MEGF6: variants seen among roughly 807,000 people sequenced by gnomAD.
MEGF6 encodes multiple epidermal growth factor-like domains protein 6.
MEGF6 carries 184 observed loss-of-function variants against 207.1 expected under a neutral mutation model. That is an observed-to-expected ratio of 0.89 (90% CI 0.79 to 1.00). The LOEUF (loss-of-function observed/expected upper bound fraction) is 1.00, where lower values mean the gene tolerates loss of function less well. MEGF6 is among the 50% of genes least tolerant of loss of function. The pLI is 0.00. For synonymous variants in MEGF6, 1,038 were observed against 910.0 expected, an observed-to-expected ratio of 1.14 and a Z score of -2.53; for missense variants, 2,282 against 2,202.9, an observed-to-expected ratio of 1.04 and a Z score of -0.72.
chr1:3,587,916 G>C (rs538153927), intron 3 of MEGF6, among the ~76,000 whole-genome samples: 1 of 53,000 alleles, frequency 1.9e-5, no homozygotes, highest in African/African-American at 7.9e-5. Flanking sequence ...CCAGGAGGGG[G>C]CAGGAGAGGC....
intron 4 of MEGF6, among the ~76,000 whole-genome samples, chr1:3,561,555 C>T (rs998026899): frequency 1.3e-5 from 2 of 152,182 alleles, no homozygotes; most frequent in Admixed American, 6.5e-5. Flanking sequence ...CCATGCACCC[C>T]GCAGGGACAG....
intron 5 of MEGF6, among the ~76,000 whole-genome samples, chr1:3,517,488 T>C (rs1051459425): frequency 2.0e-5 from 3 of 152,190 alleles, no homozygotes; most frequent in Non-Finnish European, 4.4e-5. Context: ...CCAAGCCCAG[T>C]GTCGTCGCAT....
chr1:3,545,573 C>A (rs2101547579), intron 4 of MEGF6, among the ~76,000 whole-genome samples: 1 of 149,294 alleles, frequency 6.7e-6, no homozygotes, highest in South Asian at 2.1e-4. Context: ...CATCACGGGT[C>A]TGGGAGGGGG....
intron 4 of MEGF6, among the ~76,000 whole-genome samples, chr1:3,567,528 G>GCC (rs77661277): frequency 0.013 from 1,946 of 151,996 alleles, 39 homozygotes; most frequent in African/African-American, 0.044. Context: ...GCATGGACAT[G>GCC]CCCCCCCCAG....
chr1:3,597,990 A>G (rs1177509774), intron 2 of MEGF6, among the ~76,000 whole-genome samples: 1 of 152,242 alleles, frequency 6.6e-6, no homozygotes, highest in Non-Finnish European at 1.5e-5. Flanking sequence ...AGACAGAGGC[A>G]GAGAGGGACA....
At chr1:3,624,614 A>G in the MEGF6 span, 1 of 152,364 alleles carries the variant, frequency 6.6e-6, no homozygotes, top group Admixed American at 6.5e-5. Context: ...CGAGCCCCCG[A>G]TGGGCGCGCG....
rs760397089 is a variant in MEGF6 at position 3,509,166 on chromosome 1, G to A, written c.1437C>T (p.Asp479=). 35 of 1,582,058 alleles carry A rather than the reference G, an allele frequency of 2.2e-5. No individual in the cohort carries two copies. Among genetic ancestry groups the A allele is most frequent in the African/African-American group, 1.1e-4 (8 of 73,722 alleles). Residue 479 remains aspartate, a synonymous_variant, in exon 12 of 37, where the codon GAC becomes GAT. Coordinates refer to ENST00000356575, the MANE Select transcript of MEGF6 (RefSeq NM_001409.4). ...RPLPHIAVLQ[D]ELPQLFQDDD... ...CATCCTGGAAGAGTTGCGGCAGCTC[G>A]TCCTGGAGCACGGCAATGTGGGGCA...
chr1:3,523,078 G>T (rs867736440), intron 5 of MEGF6, among the ~76,000 whole-genome samples: 9 of 151,824 alleles, frequency 5.9e-5, no homozygotes, highest in East Asian at 2.0e-4. Flanking sequence ...GTGTGCCGGG[G>T]GGGGGGCCCC....
Position 3,490,595 on chromosome 1 carries a change from G to A in MEGF6, c.4565-6C>T. ...GGAGGCGGGCAGTGTGCCCGCTGGGGAAAAGGAGAAAAGAGGGCCAGTCCA... is the reference window on the plus strand; with the variant it reads ...GGAGGCGGGCAGTGTGCCCGCTGGGAAAAAGGAGAAAAGAGGGCCAGTCCA... On this transcript the variant is annotated splice_region_variant and splice_polypyrimidine_tract_variant and intron_variant, in intron 36 of 36. Transcript: ENST00000356575. 2 of 1,612,752 alleles carry A rather than the reference G, an allele frequency of 1.2e-6. No individual in the cohort carries two copies. Among genetic ancestry groups the A allele is most frequent in the Non-Finnish European group, 1.7e-6 (2 of 1,179,708 alleles).
At chr1:3,528,825 C>T (rs1291782013) in intron 4 of MEGF6, among the ~76,000 whole-genome samples, 1 of 152,196 alleles carries the variant, frequency 6.6e-6, no homozygotes, top group Admixed American at 6.5e-5. Context: ...CAGCCCTGCC[C>T]ACGCCTTGAT....
intron 12 of MEGF6, 78 bp downstream of exon 12, chr1:3,508,997 G>A: frequency 7.1e-7 from 1 of 1,410,922 alleles, no homozygotes; most frequent in Non-Finnish European, 9.4e-7. Context: ...GCCTCTGATT[G>A]GATGGCAGCC....
intron 4 of MEGF6, among the ~76,000 whole-genome samples, chr1:3,561,480 C>T (rs918263025): frequency 1.3e-4 from 20 of 152,346 alleles, no homozygotes; most frequent in African/African-American, 4.6e-4. Flanking sequence ...CAGGACGCAA[C>T]GCCCTCACCA....
intron 2 of MEGF6, among the ~76,000 whole-genome samples, chr1:3,595,654 A>G (rs527275021): frequency 6.6e-6 from 1 of 152,304 alleles, no homozygotes; most frequent in South Asian, 2.1e-4. Context: ...AGCAGGGGCC[A>G]TGCTGGAGCC....
In MEGF6 at chr1:3,591,213, G is replaced by A. The variant is rs565496115; in HGVS notation, c.376+4125C>T. 8.5e-5 allele frequency among the ~76,000 whole-genome samples: 13 copies of A among 152,338 alleles called. No individual in the cohort carries two copies. In the South Asian group the frequency reaches 1.7e-3, roughly 19 times the overall value. On this transcript the variant is annotated intron_variant, in intron 3 of 36. Transcript: ENST00000356575. ...CACGGCAGAGCTGGAATGTGGCGTCGGAAACGCTCGGCTAACCCAGGGTGG... is the reference window on the plus strand; with the variant it reads ...CACGGCAGAGCTGGAATGTGGCGTCAGAAACGCTCGGCTAACCCAGGGTGG...
At chr1:3,593,649 C>T (rs1644015456) in intron 3 of MEGF6, among the ~76,000 whole-genome samples, 1 of 151,846 alleles carries the variant, frequency 6.6e-6, no homozygotes. Flanking sequence ...CTTTGGCAGG[C>T]CCCAGAACCC....
In MEGF6 at chr1:3,501,004, C is replaced by G. The variant is rs1446712795; in HGVS notation, c.2537G>C (p.Ser846Thr). 6.2e-7 allele frequency: 1 copy of G among 1,612,418 alleles called. No individual in the cohort carries two copies. Among genetic ancestry groups the G allele is most frequent in the Non-Finnish European group, 8.5e-7 (1 of 1,179,962 alleles). ...GHCHPATGHCSCAPGWTGFSC... is the reference protein window; with the variant it reads ...GHCHPATGHCTCAPGWTGFSC... ...AAAGCCGGTCCACCCGGGGGCACAG[C>G]TGCAGTGTCCGGTGGCTGGGTGGCA... The change falls in exon 20 of 37, where the codon AGC becomes ACC. Residue 846 changes from serine to threonine, a missense_variant. By Grantham distance (58) the Ser-to-Thr change is moderately conservative. Transcript: ENST00000356575.
chr1:3,579,083 G>A (rs1643728389), intron 4 of MEGF6, among the ~76,000 whole-genome samples: 2 of 152,246 alleles, frequency 1.3e-5, no homozygotes, highest in South Asian at 4.1e-4. Context: ...AAGCCCCAGG[G>A]CCACTGGGAG....
At chr1:3,501,755 C>T (rs1222210319) in intron 18 of MEGF6, 41 bp downstream of exon 18, 4 of 1,600,220 alleles carry the variant, frequency 2.5e-6, no homozygotes, top group Non-Finnish European at 3.4e-6. Context: ...TGGAGCCGTG[C>T]AGCCTGGGGA....
intron 1 of MEGF6, among the ~76,000 whole-genome samples, chr1:3,604,182 C>T (rs1264440911): frequency 6.6e-6 from 1 of 152,206 alleles, no homozygotes; most frequent in Non-Finnish European, 1.5e-5. Context: ...GGGGCTGCTG[C>T]TGGACATGTC....
Sources: gnomAD v4.1 joint callset for allele counts (sites outside exome capture counted in the v4.1 genomes callset) on GRCh38, gnomAD v4.1.1 for gene constraint, MANE v1.5 for transcripts, NCBI Gene and HGNC (gene_info 2026-07-23, HGNC 2026-07-21) for gene names.